Variants in FAM53B observed in about 807,000 individuals in gnomAD.
The protein encoded by FAM53B is protein FAM53B.
Under a neutral mutation model 32.7 loss-of-function variants are expected in FAM53B, and 12 were observed. The ratio of observed to expected loss-of-function variants is 0.37; its 90% CI spans 0.24 to 0.59. The LOEUF (loss-of-function observed/expected upper bound fraction) is 0.59, where lower values mean the gene tolerates loss of function less well. Ranked by LOEUF, FAM53B falls within the 20% of genes least tolerant of loss-of-function variation. FAM53B has a pLI of 0.72. For missense variants in FAM53B, 477 were observed against 577.7 expected (o/e 0.83, Z 1.79); for synonymous variants, 234 against 228.7 (o/e 1.02, Z -0.21).
In FAM53B at chr10:124,682,372, G is replaced by A; in HGVS notation, c.141C>T (p.Asp47=). ...ATTTCCTGTCCAGGTCTCGCCATCT[G>A]TCATTTTCTGGTTCATAAATGACAA... ...TLFSCGIMEN[D]RWRDLDRKCP... Residue 47 remains aspartate (D), a synonymous_variant, in exon 4 of 5, where the codon GAC becomes GAT. Transcript: ENST00000337318. The surrounding 1 kb of genome is among the most constrained non-coding windows in gnomAD (Gnocchi z 5.2). The A allele has an allele frequency of 1.3e-6, 2 of 1,594,968 alleles. No individual in the cohort carries two copies. The highest frequency in any genetic ancestry group is 1.7e-6 in the Non-Finnish European group (2 of 1,167,924).
Position 124,622,250 on chromosome 10 carries a change from T to G in FAM53B, c.*992A>C, listed in dbSNP as rs1481437996. 1 of 151,764 alleles carries G rather than the reference T, an allele frequency of 6.6e-6. No individual in the cohort carries two copies. Among genetic ancestry groups the G allele is most frequent in the East Asian group, 1.9e-4 (1 of 5,158 alleles). The allele number at this position is 151,764 out of a possible 1,614,324, so 9.4% of individuals were successfully genotyped here. ...GAATCCTGCAGGGGCCCCTGCAGAG[T>G]GGCCAGCGGACGCCCTTCACCCCTG... On this transcript the variant is annotated 3_prime_UTR_variant, in exon 5 of 5. Transcript: ENST00000337318.
chr10:124,628,539 C>T (rs1949369946), intron 4 of FAM53B, among the ~76,000 whole-genome samples: 1 of 152,214 alleles, frequency 6.6e-6, no homozygotes, highest in Non-Finnish European at 1.5e-5. Context: ...CCCTGGGAAG[C>T]AGAACTGCTG....
chr10:124,677,356 C>G (rs1263095933), intron 4 of FAM53B, among the ~76,000 whole-genome samples: 1 of 152,230 alleles, frequency 6.6e-6, no homozygotes, highest in Non-Finnish European at 1.5e-5. Context: ...AAAAGGAAGG[C>G]TGCAGCCTCA....
chr10:124,694,858 G>A (rs930833714), intron 3 of FAM53B, among the ~76,000 whole-genome samples: 12 of 152,200 alleles, frequency 7.9e-5, no homozygotes, highest in Admixed American at 7.9e-4. Flanking sequence ...CAAGAGCACC[G>A]CCAGGTGTCC....
chr10:124,629,389 C>T (rs1472130741), intron 4 of FAM53B, among the ~76,000 whole-genome samples: 1 of 152,248 alleles, frequency 6.6e-6, no homozygotes, highest in Non-Finnish European at 1.5e-5. Flanking sequence ...GCGTTTCCTC[C>T]TTCCCTTGCT....
Position 124,623,096 on chromosome 10 carries a change from G to A in FAM53B, c.*146C>T, listed in dbSNP as rs1224179337. 9 of 1,081,474 alleles carry A rather than the reference G, an allele frequency of 8.3e-6. No individual in the cohort carries two copies. Among genetic ancestry groups the A allele is most frequent in the African/African-American group, 1.6e-5 (1 of 62,608 alleles). 67.0% of individuals were successfully genotyped at this position (1,081,474 alleles called of 1,614,324 possible). On this transcript the variant is annotated 3_prime_UTR_variant, in exon 5 of 5. Transcript: ENST00000337318. ...AGGCCAGGCTCTCCCCCAGGCAGCA[G>A]GTGGGCTCCCTCTCTGGGACCCGAC...
chr10:124,681,927 G>C lies in FAM53B; in HGVS notation c.586C>G (p.Gln196Glu). 1 of 1,613,996 alleles carries C rather than the reference G, an allele frequency of 6.2e-7. No homozygotes were observed. The highest frequency in any genetic ancestry group is 2.2e-5 in the East Asian group (1 of 44,886). The change falls in exon 4 of 5, where the codon CAA becomes GAA. Residue 196 changes from glutamine to glutamate, a missense_variant. By Grantham distance (29) the Gln-to-Glu change is conservative. Transcript: ENST00000337318. The stretch of plus-strand genomic sequence containing the variant: ...CACGGGGCTGAGCCTGGCACCCCTT[G>C]GCAGGGCTGCCCTCCAAATCGGTGG... The part of the protein sequence containing the change: ...LHHRFGGQPC[Q>E]GVPGSAPCGQ...
In FAM53B at chr10:124,665,906, C is replaced by T. The variant is rs561382949; in HGVS notation, c.906+15701G>A. On this transcript the variant is annotated intron_variant, in intron 4 of 4. Transcript: ENST00000337318. The stretch of plus-strand genomic sequence containing the variant: ...AAGACTAGCTCATCTTACTGTGACT[C>T]GGCTTATAGTCGGCTACGTAGACAC... Among the ~76,000 whole-genome samples the T allele has an allele frequency of 3.3e-5, 5 of 152,230 alleles. No homozygotes were observed. In the East Asian group the frequency reaches 5.8e-4, roughly 18 times the overall value.
At chr10:124,654,250 C>T (rs1949572582) in intron 4 of FAM53B, among the ~76,000 whole-genome samples, 1 of 152,244 alleles carries the variant, frequency 6.6e-6, no homozygotes, top group Non-Finnish European at 1.5e-5. Context: ...TCATGCAACG[C>T]TATGGTGCTC....
chr10:124,712,947 C>T lies in FAM53B; in HGVS notation c.-174-6060G>A, dbSNP rs187499169. Among the ~76,000 whole-genome samples the T allele has an allele frequency of 3.3e-5, 5 of 152,380 alleles. No homozygotes were observed. The East Asian group carries it at 9.6e-4, about 29-fold the overall frequency. Reference sequence around the variant, plus strand: ...CTCCCAAGTCCTCACCCCAAGAGTGCATCTGCCCAAGAACGGCCCCAAACT... The same window carrying T: ...CTCCCAAGTCCTCACCCCAAGAGTGTATCTGCCCAAGAACGGCCCCAAACT... On this transcript the variant is annotated intron_variant, in intron 1 of 4. Coordinates refer to ENST00000337318, the MANE Select transcript of FAM53B (RefSeq NM_014661.4).
At chr10:124,628,335 T>C (rs1462482090) in intron 4 of FAM53B, among the ~76,000 whole-genome samples, 1 of 152,148 alleles carries the variant, frequency 6.6e-6, no homozygotes. Context: ...AGGTGATATG[T>C]CTGGGAGCAG....
rs1311411719 is a variant in FAM53B, at chr10:124,657,112, GTGTGTGTA to G, written c.906+24487_906+24494del. On this transcript the variant is annotated intron_variant, in intron 4 of 4. Coordinates refer to ENST00000337318, the MANE Select transcript of FAM53B (RefSeq NM_014661.4). ...TGTATATATATGTGTATATATATGT[GTGTGTGTA>G]TATATATGTGTGTATATACATATAT... Among the ~76,000 whole-genome samples, 4 of 136,990 alleles carry G rather than the reference GTGTGTGTA, an allele frequency of 2.9e-5. No homozygotes were observed. The East Asian group carries it at 9.0e-4, about 31-fold the overall frequency. The allele number at this position is 136,990 out of a possible 152,430, so 89.9% of individuals were successfully genotyped here.
intron 4 of FAM53B, among the ~76,000 whole-genome samples, chr10:124,680,583 G>A (rs78658135): frequency 0.054 from 8,241 of 152,262 alleles, 746 homozygotes; most frequent in African/African-American, 0.19. Context: ...CGCAGCGAGC[G>A]TGATAAGCCT....
At chr10:124,668,861 G>A (rs1949690072) in intron 4 of FAM53B, among the ~76,000 whole-genome samples, 1 of 152,384 alleles carries the variant, frequency 6.6e-6, no homozygotes. Context: ...GGCACTGATA[G>A]GCCTTTTCCT....
chr10:124,688,337 C>G (rs1589751198), intron 3 of FAM53B, among the ~76,000 whole-genome samples: 5 of 152,366 alleles, frequency 3.3e-5, no homozygotes, highest in Admixed American at 3.3e-4. Context: ...CTATGCTGCG[C>G]CTGTTGCTTT....
chr10:124,700,508 C>T lies in FAM53B; in HGVS notation c.79-4296G>A, dbSNP rs117008510. Among the ~76,000 whole-genome samples, 1,013 of 152,296 alleles carry T rather than the reference C, an allele frequency of 6.7e-3. 9 individuals are homozygous for T. The highest frequency in any genetic ancestry group is 0.012 in the Non-Finnish European group (802 of 68,028). On this transcript the variant is annotated intron_variant, in intron 2 of 4. Coordinates refer to ENST00000337318, the MANE Select transcript of FAM53B (RefSeq NM_014661.4). ...CATTTCCCCTTTGTGCTTCTCCCACCGTGAAGCCTCTGTTCCCGAGCCCAC... is the reference window on the plus strand; with the variant it reads ...CATTTCCCCTTTGTGCTTCTCCCACTGTGAAGCCTCTGTTCCCGAGCCCAC...
intron 4 of FAM53B, among the ~76,000 whole-genome samples, chr10:124,641,779 G>A (rs943108903): frequency 6.6e-6 from 1 of 152,158 alleles, no homozygotes; most frequent in Admixed American, 6.5e-5. Flanking sequence ...GTCAACAGGT[G>A]GGTCTTATTA....
intron 3 of FAM53B, among the ~76,000 whole-genome samples, chr10:124,689,759 T>C (rs1006738883): frequency 4.6e-5 from 7 of 152,238 alleles, no homozygotes; most frequent in Non-Finnish European, 8.8e-5. Flanking sequence ...CTGGGAAGTC[T>C]TTGCTCTTAC....
intron 4 of FAM53B, among the ~76,000 whole-genome samples, chr10:124,673,687 C>T (rs1564874116): frequency 6.6e-6 from 1 of 152,136 alleles, no homozygotes; most frequent in Non-Finnish European, 1.5e-5. Flanking sequence ...CCATATGACA[C>T]AAAACTAGTC....
Sources: allele counts gnomAD v4.1 joint callset (sites outside exome capture counted in the v4.1 genomes callset), GRCh38; gene constraint gnomAD v4.1.1; non-coding constraint Gnocchi (gnomAD v3.1); transcripts MANE v1.5; gene names NCBI Gene and HGNC (gene_info 2026-07-23, HGNC 2026-07-21).